The following KHDRBS2 variants were observed in gnomAD, a reference collection of about 807,000 sequenced individuals.
KHDRBS2 encodes KH RNA binding domain containing, signal transduction associated 2.
Under a neutral mutation model 44.3 loss-of-function variants are expected in KHDRBS2, and 26 were observed. That is an observed-to-expected ratio of 0.59 (90% CI 0.43 to 0.81). The LOEUF (loss-of-function observed/expected upper bound fraction) is 0.81. KHDRBS2 is among the 40% of genes least tolerant of loss of function. The probability of loss-of-function intolerance (pLI) is 0.00; values close to 1 mark genes in which losing one functional copy is unlikely to be tolerated. For missense variants in KHDRBS2, 476 were observed against 433.1 expected (o/e 1.10, Z -0.88); for synonymous variants, 194 against 151.1 (o/e 1.28, Z -2.08).
At chr6:62,039,684 A>G (rs573312481) in intron 3 of KHDRBS2, among the ~76,000 whole-genome samples, 1 of 152,182 alleles carries the variant, frequency 6.6e-6, no homozygotes, top group Non-Finnish European at 1.5e-5. Flanking sequence ...TCTCCCCACA[A>G]AAATACCATA....
chr6:61,981,061 C>T (rs1213529721), intron 3 of KHDRBS2, among the ~76,000 whole-genome samples: 2 of 152,022 alleles, frequency 1.3e-5, no homozygotes, highest in Non-Finnish European at 1.5e-5. Context: ...ATAATACAGG[C>T]CCTGTGAGGC....
intron 1 of KHDRBS2, among the ~76,000 whole-genome samples, chr6:62,196,760 C>A (rs1030622286): frequency 6.6e-6 from 1 of 151,978 alleles, no homozygotes; most frequent in Non-Finnish European, 1.5e-5. Context: ...GTTTGGGGGC[C>A]AAACAGGCAA....
chr6:61,588,728 G>T, the KHDRBS2 span, among the ~76,000 whole-genome samples: 1 of 152,018 alleles, frequency 6.6e-6, no homozygotes, highest in African/African-American at 2.4e-5. Context: ...GGAGGTCACG[G>T]TTGCAGTGAG....
At chr6:62,075,963 A>AT (rs779650389) in intron 2 of KHDRBS2, among the ~76,000 whole-genome samples, 41 of 150,290 alleles carry the variant, frequency 2.7e-4, no homozygotes, top group East Asian at 6.0e-4. Context: ...TTGAATGTAG[A>AT]TTTTTTTTGC....
intron 7 of KHDRBS2, among the ~76,000 whole-genome samples, chr6:61,714,206 CA>C (rs201864348): frequency 4.0e-5 from 6 of 151,596 alleles, no homozygotes; most frequent in African/African-American, 9.7e-5. Flanking sequence ...ATAACAACAA[CA>C]AAAAAACCCC....
chr6:61,872,650 A>G (rs1562344957), intron 6 of KHDRBS2, among the ~76,000 whole-genome samples: 1 of 152,162 alleles, frequency 6.6e-6, no homozygotes, highest in South Asian at 2.1e-4. Context: ...CAAGACAAAT[A>G]ACTCGATATC....
At chr6:62,228,097 G>C (rs114462029) in intron 1 of KHDRBS2, among the ~76,000 whole-genome samples, 1 of 152,046 alleles carries the variant, frequency 6.6e-6, no homozygotes. Flanking sequence ...AGAAAAAAAT[G>C]GTACCAGCTC....
chr6:61,786,312 T>C (rs776038696), intron 6 of KHDRBS2, among the ~76,000 whole-genome samples: 1 of 152,046 alleles, frequency 6.6e-6, no homozygotes, highest in East Asian at 1.9e-4. Context: ...TATTAGCTTA[T>C]TTAAGTGAAT....
At chr6:62,181,780 G>A (rs982678840) in intron 1 of KHDRBS2, among the ~76,000 whole-genome samples, 3 of 151,844 alleles carry the variant, frequency 2.0e-5, no homozygotes, top group African/African-American at 7.3e-5. Flanking sequence ...CATGAGAATG[G>A]AACCCTCATG....
chr6:61,733,492 G>A (rs1774821615), intron 6 of KHDRBS2, among the ~76,000 whole-genome samples: 1 of 151,998 alleles, frequency 6.6e-6, no homozygotes, highest in Admixed American at 6.6e-5. Flanking sequence ...CTGCTCAAGA[G>A]GCTGAGGCAG....
At chr6:61,736,716 C>T (rs1258398275) in intron 6 of KHDRBS2, among the ~76,000 whole-genome samples, 2 of 151,864 alleles carry the variant, frequency 1.3e-5, no homozygotes, top group Admixed American at 1.3e-4. Flanking sequence ...TATGTTTCCC[C>T]CATTTCCATC....
intron 8 of KHDRBS2, among the ~76,000 whole-genome samples, chr6:61,687,295 T>C (rs1392856131): frequency 6.6e-6 from 1 of 151,736 alleles, no homozygotes; most frequent in African/African-American, 2.4e-5. Context: ...TATCACTCTT[T>C]CAAATTTTTA....
At chr6:62,012,174 C>G (rs1176099506) in intron 3 of KHDRBS2, among the ~76,000 whole-genome samples, 1 of 152,182 alleles carries the variant, frequency 6.6e-6, no homozygotes, top group Admixed American at 6.5e-5. Context: ...AGCAATTGTT[C>G]ATGTTTCCTC....
the KHDRBS2 span, among the ~76,000 whole-genome samples, chr6:61,674,825 C>T: frequency 6.6e-6 from 1 of 151,546 alleles, no homozygotes; most frequent in African/African-American, 2.4e-5. Context: ...AGAAACAAGA[C>T]AAAACAACCC....
chr6:62,099,827 A>T (rs574568832), intron 2 of KHDRBS2, among the ~76,000 whole-genome samples: 1 of 152,270 alleles, frequency 6.6e-6, no homozygotes, highest in South Asian at 2.1e-4. Flanking sequence ...ATCACCCAAG[A>T]ACTCTGATGG....
chr6:61,736,091 TTTTC>T (rs771730500), intron 6 of KHDRBS2, among the ~76,000 whole-genome samples: 28 of 151,826 alleles, frequency 1.8e-4, no homozygotes, highest in Non-Finnish European at 3.2e-4. Flanking sequence ...TCTCCATTTT[TTTTC>T]TTTCTTTCTT....
intron 4 of KHDRBS2, among the ~76,000 whole-genome samples, chr6:61,903,726 G>C (rs1804467291): frequency 6.6e-6 from 1 of 152,178 alleles, no homozygotes; most frequent in Non-Finnish European, 1.5e-5. Flanking sequence ...GATTAGAAAA[G>C]TGCTTGTGTA....
chr6:61,673,466 A>G, the KHDRBS2 span, among the ~76,000 whole-genome samples: 1 of 150,672 alleles, frequency 6.6e-6, no homozygotes, highest in African/African-American at 2.4e-5. Context: ...TTCAAATAGG[A>G]AAAGAGGAAG....
chr6:61,626,487 T>A, the KHDRBS2 span, among the ~76,000 whole-genome samples: 1 of 152,252 alleles, frequency 6.6e-6, no homozygotes, highest in East Asian at 1.9e-4. Context: ...TTTGACCTCA[T>A]TACTTTTGCA....
Sources: allele counts gnomAD v4.1 joint callset (sites outside exome capture counted in the v4.1 genomes callset), GRCh38; gene constraint gnomAD v4.1.1; transcripts MANE v1.5; gene names NCBI Gene and HGNC (gene_info 2026-07-23, HGNC 2026-07-21).